TBC1D1: variants seen among roughly 807,000 people sequenced by gnomAD.
The protein encoded by TBC1D1 is TBC1 (tre-2/USP6, BUB2, cdc16) domain family, member 1.
Under a neutral mutation model 125.6 loss-of-function variants are expected in TBC1D1, and 89 were observed. That is an observed-to-expected ratio of 0.71 (90% CI 0.60 to 0.85). The LOEUF (loss-of-function observed/expected upper bound fraction) is 0.85. Ranked by LOEUF, TBC1D1 falls within the 40% of genes least tolerant of loss-of-function variation. The probability of loss-of-function intolerance (pLI) is 0.00; values close to 1 mark genes in which losing one functional copy is unlikely to be tolerated. For synonymous variants in TBC1D1, 565 were observed against 564.1 expected, an observed-to-expected ratio of 1.00 and a Z score of -0.02; for missense variants, 1,377 against 1,469.2, an observed-to-expected ratio of 0.94 and a Z score of 1.03.
intron 2 of TBC1D1, among the ~76,000 whole-genome samples, chr4:37,924,848 C>T (rs189972960): frequency 5.9e-5 from 9 of 152,320 alleles, no homozygotes; most frequent in Non-Finnish European, 1.3e-4. Flanking sequence ...TGTACAAATA[C>T]CTGTTTGAGT....
intron 15 of TBC1D1, chr4:38,110,626 T>A (rs890407480): frequency 1.0e-6 from 1 of 985,354 alleles, no homozygotes; most frequent in African/African-American, 1.7e-5. Flanking sequence ...AGGGGTTTTT[T>A]AATGCCCATG....
intron 17 of TBC1D1, among the ~76,000 whole-genome samples, chr4:38,122,227 A>T (rs1455800228): frequency 1.3e-5 from 2 of 152,148 alleles, no homozygotes; most frequent in Admixed American, 1.3e-4. Context: ...CAGGGGTCAT[A>T]CCCATAACCT....
At chr4:37,988,666 G>A (rs1560576597) in intron 2 of TBC1D1, among the ~76,000 whole-genome samples, 1 of 152,126 alleles carries the variant, frequency 6.6e-6, no homozygotes, top group African/African-American at 2.4e-5. Context: ...TAGGTGAGAT[G>A]TCTTTCCCAA....
At chr4:38,116,014 C>T (rs1448578829) in intron 16 of TBC1D1, 60 bp downstream of exon 18, 5 of 1,571,414 alleles carry the variant, frequency 3.2e-6, no homozygotes, top group South Asian at 1.2e-5. Context: ...TCTTATCCCT[C>T]TCCAGATGTG....
At chr4:38,043,332 T>C (rs144261109) in intron 8 of TBC1D1, among the ~76,000 whole-genome samples, 79 of 151,722 alleles carry the variant, frequency 5.2e-4, no homozygotes, top group Admixed American at 2.2e-3. Flanking sequence ...GTGTGGTAGC[T>C]CACTCCTGTA....
At chr4:37,901,972 A>G (rs1429835212) in intron 1 of TBC1D1, 31 bp from the exon 2 acceptor site, 1 of 1,008,214 alleles carries the variant, frequency 9.9e-7, no homozygotes, top group African/African-American at 1.6e-5. Context: ...TGACTTCATT[A>G]AATTCTAATG....
intron 2 of TBC1D1, among the ~76,000 whole-genome samples, chr4:37,998,875 G>A (rs908572728): frequency 6.6e-6 from 1 of 152,052 alleles, no homozygotes; most frequent in Non-Finnish European, 1.5e-5. Flanking sequence ...AGAAATTTAC[G>A]TTCCTCCATG....
At chr4:38,078,402 G>A (rs2152521215) in intron 12 of TBC1D1, among the ~76,000 whole-genome samples, 1 of 152,286 alleles carries the variant, frequency 6.6e-6, no homozygotes, top group African/African-American at 2.4e-5. Context: ...CTTTGTTTTA[G>A]GGATGGGGTA....
chr4:37,958,750 TTAA>T (rs1729383591), intron 2 of TBC1D1, among the ~76,000 whole-genome samples: 3 of 152,226 alleles, frequency 2.0e-5, no homozygotes, highest in African/African-American at 2.4e-5. Flanking sequence ...AAGAAGTTGT[TTAA>T]TAATAATTCC....
chr4:37,903,382 G>T (rs115177782), intron 2 of TBC1D1, among the ~76,000 whole-genome samples: 2 of 152,144 alleles, frequency 1.3e-5, no homozygotes, highest in Non-Finnish European at 2.9e-5. Flanking sequence ...AACTTTCTCA[G>T]TTGGGCTCAG....
chr4:37,964,639 G>GAAAA (rs1730722825), intron 2 of TBC1D1, among the ~76,000 whole-genome samples: 1 of 152,218 alleles, frequency 6.6e-6, no homozygotes, highest in East Asian at 1.9e-4. Flanking sequence ...AGCCTGGATG[G>GAAAA]GGACAAGGGG....
intron 2 of TBC1D1, among the ~76,000 whole-genome samples, chr4:37,923,564 G>A (rs1184469851): frequency 6.6e-6 from 1 of 152,122 alleles, no homozygotes; most frequent in Admixed American, 6.5e-5. Flanking sequence ...CACTTTTCAA[G>A]TGCACAAGCC....
intron 15 of TBC1D1, among the ~76,000 whole-genome samples, chr4:38,107,960 G>C (rs1578750588): frequency 6.6e-6 from 1 of 152,026 alleles, no homozygotes; most frequent in South Asian, 2.1e-4. Context: ...GTTCCTTTGG[G>C]GTAGATCACA....
In TBC1D1 at chr4:37,995,593, A is replaced by G. The variant is rs953754063; in HGVS notation, c.418-18916A>G. 3 of 467,314 alleles carry G rather than the reference A, an allele frequency of 6.4e-6. No homozygotes were observed. The highest frequency in any genetic ancestry group is 4.0e-5 in the African/African-American group (2 of 50,020). The allele number at this position is 467,314 out of a possible 1,614,324, so 28.9% of individuals were successfully genotyped here. A position where few individuals can be genotyped will look rare whatever the true frequency, so the allele number is the denominator to read the frequency against. ...CTCAGCACAGAAGGCCTTCAGGTCC[A>G]GTACCCTGGCCTTGACCTCCCCATA... On this transcript the variant is annotated intron_variant, in intron 2 of 19. Coordinates refer to ENST00000261439, the MANE Select transcript of TBC1D1 (RefSeq NM_015173.4). The surrounding 1 kb of genome is among the most constrained non-coding windows in gnomAD (Gnocchi z 4.3).
rs1210328602 is a variant in TBC1D1, at chr4:38,055,129, C to T, written c.2050+791C>T. The T allele has an allele frequency of 2.6e-5, 4 of 152,244 alleles. No homozygotes were observed. In the East Asian group the frequency reaches 7.7e-4, roughly 29 times the overall value. 9.4% of individuals were successfully genotyped at this position (152,244 alleles called of 1,614,324 possible). A position where few individuals can be genotyped will look rare whatever the true frequency, so the allele number is the denominator to read the frequency against. On this transcript the variant is annotated intron_variant, in intron 12 of 19. Transcript: ENST00000261439. ...TAGGTGTTTTCTATCTACTGGGAGC[C>T]CGCCCTTCCTTGGTGCCCGCTGTGA...
chr4:38,104,761 AATTTTTTTTTTTG>A (rs1760984963), intron 15 of TBC1D1, among the ~76,000 whole-genome samples: 1 of 114,232 alleles, frequency 8.8e-6, no homozygotes. Flanking sequence ...TTTTTTTTTT[AATTTTTTTTTTTG>A]AGACGGTGTC....
chr4:37,897,640 A>G (rs1320869289), intron 1 of TBC1D1, among the ~76,000 whole-genome samples: 1 of 152,220 alleles, frequency 6.6e-6, no homozygotes, highest in Non-Finnish European at 1.5e-5. Context: ...CTAAGAAGGA[A>G]ATTGAAAGTA....
chr4:38,118,037 A>G lies in TBC1D1; in HGVS notation c.2807A>G (p.Gln936Arg), dbSNP rs1339826083. The G allele has an allele frequency of 3.1e-6, 5 of 1,614,022 alleles. No individual in the cohort carries two copies. The highest frequency in any genetic ancestry group is 4.2e-6 in the Non-Finnish European group (5 of 1,179,970). Reference sequence around the variant, plus strand: ...CTTGTGGCTGTCTTCCTGCAGATCCAGATGTACCAGCTCTCGAGGTTGCTT... The same window carrying G: ...CTTGTGGCTGTCTTCCTGCAGATCCGGATGTACCAGCTCTCGAGGTTGCTT... The change falls in exon 17 of 20, where the codon CAG becomes CGG. Residue 936 changes from glutamine (Q) to arginine (R), a missense_variant. By Grantham distance (43) the Gln-to-Arg change is conservative. Coordinates refer to ENST00000261439, the MANE Select transcript of TBC1D1 (RefSeq NM_015173.4).
chr4:38,065,194 C>T (rs137890515), intron 12 of TBC1D1, among the ~76,000 whole-genome samples: 19 of 152,176 alleles, frequency 1.2e-4, no homozygotes, highest in Non-Finnish European at 2.5e-4. Flanking sequence ...GAGGCCAATC[C>T]GCCTTGGCCT....
Sources: gnomAD v4.1 joint callset for allele counts (sites outside exome capture counted in the v4.1 genomes callset) on GRCh38, gnomAD v4.1.1 for gene constraint, Gnocchi (gnomAD v3.1) non-coding constraint, MANE v1.5 for transcripts, NCBI Gene and HGNC (gene_info 2026-07-23, HGNC 2026-07-21) for gene names.